Variants in ATG4A observed in about 807,000 individuals in gnomAD.
The protein encoded by ATG4A is autophagy related 4A cysteine peptidase.
Under a neutral mutation model 38.4 loss-of-function variants are expected in ATG4A, and 22 were observed. The ratio of observed to expected loss-of-function variants is 0.57; its 90% CI spans 0.41 to 0.82. The LOEUF is 0.82. ATG4A is among the 40% of genes least tolerant of loss of function. The pLI is 0.00. For missense variants in ATG4A, 220 were observed against 290.0 expected (o/e 0.76, Z 1.75); for synonymous variants, 86 against 100.7 (o/e 0.85, Z 0.88).
intron 1 of ATG4A, among the ~76,000 whole-genome samples, chrX:108,093,790 G>A (rs948109624): frequency 3.6e-5 from 4 of 111,530 alleles, no homozygotes; most frequent in Non-Finnish European, 7.6e-5. Flanking sequence ...GTCTCATTGT[G>A]GTTTTAATTT....
chrX:108,104,439 T>C (rs2032110865), intron 1 of ATG4A, among the ~76,000 whole-genome samples: 1 of 111,342 alleles, frequency 9.0e-6, no homozygotes, highest in Admixed American at 9.5e-5. Flanking sequence ...GGCAGGTTTT[T>C]TTTTTTTCTT....
chrX:108,114,483 C>T (rs1168613258), intron 1 of ATG4A, among the ~76,000 whole-genome samples: 1 of 111,922 alleles, frequency 8.9e-6, no homozygotes, highest in Non-Finnish European at 1.9e-5. Context: ...TTCTAGTCTA[C>T]TATGCCCTCT....
At chrX:108,091,510 C>T, upstream of ATG4A, 1 of 1,211,110 alleles carries the variant, frequency 8.3e-7, no homozygotes, top group Non-Finnish European at 1.1e-6. Context: ...GTTAGACACA[C>T]ACCCCTCCAT....
chrX:108,146,044 A>G (rs948629188), intron 9 of ATG4A, among the ~76,000 whole-genome samples: 22 of 111,880 alleles, frequency 2.0e-4, no homozygotes, highest in Admixed American at 4.7e-4. Flanking sequence ...CCTTCCCCCA[A>G]TGCACAGTTA....
chrX:108,124,397 A>G (rs1323793733), intron 1 of ATG4A, among the ~76,000 whole-genome samples: 2 of 112,629 alleles, frequency 1.8e-5, no homozygotes, highest in African/African-American at 6.4e-5. Flanking sequence ...GGAATTCTGT[A>G]AGATATTTTA....
intron 6 of ATG4A, among the ~76,000 whole-genome samples, chrX:108,135,287 C>T (rs1003661442): frequency 3.6e-5 from 4 of 112,174 alleles, no homozygotes; most frequent in African/African-American, 6.5e-5. Context: ...TGAAAATGGC[C>T]GCCAGAATCT....
chrX:108,095,919 A>G (rs755450622), intron 1 of ATG4A, among the ~76,000 whole-genome samples: 6 of 111,218 alleles, frequency 5.4e-5, no homozygotes, highest in Non-Finnish European at 9.4e-5. Context: ...CGTGTTGGCC[A>G]GGCTGGTCTG....
intron 1 of ATG4A, among the ~76,000 whole-genome samples, chrX:108,106,440 A>G (rs1268536268): frequency 8.9e-6 from 1 of 112,324 alleles, no homozygotes; most frequent in East Asian, 2.8e-4. Flanking sequence ...TAGAAAACTG[A>G]AAAAAGAAGC....
chrX:108,136,818 T>G (rs749117711), intron 6 of ATG4A, among the ~76,000 whole-genome samples: 2 of 112,025 alleles, frequency 1.8e-5, no homozygotes, highest in East Asian at 5.6e-4. Context: ...TTTTCCCCAG[T>G]AGGTGTCCCG....
In ATG4A at chrX:108,153,653, TCTA is replaced by T; in HGVS notation, c.1141_1143del (p.Thr381del). The T allele has an allele frequency of 8.3e-7, 1 of 1,206,924 alleles. No individual in the cohort carries two copies. Among genetic ancestry groups the T allele is most frequent in the South Asian group, 1.8e-5 (1 of 56,471 alleles). On this transcript the variant is annotated inframe_deletion, in exon 13 of 13. Transcript: ENST00000372232. ...CCGTATTCTGATAGAATTCATTGACTCTACTGAGCAACTGGAGGAGTTTGATCT... is the reference window on the plus strand; with the variant it reads ...CCGTATTCTGATAGAATTCATTGACTCTGAGCAACTGGAGGAGTTTGATCT...
At chrX:108,152,770 C>T (rs931451124) in intron 11 of ATG4A, among the ~76,000 whole-genome samples, 2 of 111,225 alleles carry the variant, frequency 1.8e-5, no homozygotes, top group South Asian at 3.8e-4. Flanking sequence ...AGATACTCCC[C>T]GCAAAGTCCT....
rs930460658 is a variant in ATG4A, at chrX:108,131,600, A to C, written c.292+242A>C. ...AGTTATTTTCCTGGGACAGAACTGA[A>C]CATCGAGGGAGGTATGTCATTTATC... On this transcript the variant is annotated intron_variant, in intron 4 of 12. Coordinates refer to ENST00000372232, the MANE Select transcript of ATG4A (RefSeq NM_052936.5). 1.7e-4 allele frequency among the ~76,000 whole-genome samples: 19 copies of C among 112,147 alleles called. No individual in the cohort carries two copies. The Middle Eastern group carries it at 0.014, about 81-fold the overall frequency.
At chrX:108,123,519 C>G (rs988080867) in intron 1 of ATG4A, among the ~76,000 whole-genome samples, 1 of 112,115 alleles carries the variant, frequency 8.9e-6, no homozygotes, top group African/African-American at 3.3e-5. Flanking sequence ...TGTACATAAT[C>G]TTCCCATCTC....
At chrX:108,091,367 C>G, upstream of ATG4A, 2 of 1,166,295 alleles carry the variant, frequency 1.7e-6, no homozygotes, top group Non-Finnish European at 2.3e-6. Flanking sequence ...TAGGGCTTCG[C>G]CGACGTCGCC....
intron 9 of ATG4A, among the ~76,000 whole-genome samples, chrX:108,141,875 C>T (rs717711): frequency 0.49 from 54,133 of 110,304 alleles, 10,352 homozygotes; most frequent in African/African-American, 0.66. Flanking sequence ...TGTTACATGG[C>T]TATTACATGT....
At chrX:108,147,980 G>A (rs1360789257) in intron 9 of ATG4A, among the ~76,000 whole-genome samples, 3 of 89,464 alleles carry the variant, frequency 3.4e-5, no homozygotes, top group Non-Finnish European at 4.5e-5. Flanking sequence ...ACCAAAATCT[G>A]TATCAGTCAG....
At chrX:108,112,686 C>T (rs111299187) in intron 1 of ATG4A, among the ~76,000 whole-genome samples, 139 of 111,661 alleles carry the variant, frequency 1.2e-3, no homozygotes, top group African/African-American at 4.2e-3. Flanking sequence ...TGAGCCACCA[C>T]GCCCGGCCCT....
chrX:108,107,289 C>A (rs1007258789), intron 1 of ATG4A, among the ~76,000 whole-genome samples: 22 of 111,844 alleles, frequency 2.0e-4, no homozygotes, highest in African/African-American at 7.1e-4. Context: ...TTTTCAGTCT[C>A]CTTTTTGCTA....
At chrX:108,137,582 G>A (rs1438616290) in intron 7 of ATG4A, among the ~76,000 whole-genome samples, 2 of 111,466 alleles carry the variant, frequency 1.8e-5, no homozygotes, top group African/African-American at 6.5e-5. Flanking sequence ...AATCCCTATT[G>A]GGAGCTAAAC....
Sources: gnomAD v4.1 joint callset for allele counts (sites outside exome capture counted in the v4.1 genomes callset) on GRCh38, gnomAD v4.1.1 for gene constraint, MANE v1.5 for transcripts, NCBI Gene and HGNC (gene_info 2026-07-23, HGNC 2026-07-21) for gene names.